ADGRL3: variants seen among roughly 807,000 people sequenced by gnomAD.
The protein encoded by ADGRL3 is calcium-independent alpha-latrotoxin receptor 3.
ADGRL3 carries 62 observed loss-of-function variants against 153.5 expected under a neutral mutation model. The observed-to-expected ratio is 0.40, with a 90% CI of 0.33 to 0.50. ADGRL3 has a LOEUF of 0.50. ADGRL3 is among the 20% of genes least tolerant of loss of function. ADGRL3 has a pLI of 0.47. For synonymous variants in ADGRL3, 710 were observed against 672.5 expected, an observed-to-expected ratio of 1.06 and a Z score of -0.86; for missense variants, 1,641 against 1,859.4, an observed-to-expected ratio of 0.88 and a Z score of 2.16.
chr4:61,417,598 A>C (rs1443408424), intron 2 of ADGRL3, among the ~76,000 whole-genome samples: 1 of 147,334 alleles, frequency 6.8e-6, no homozygotes, highest in African/African-American at 2.4e-5. Flanking sequence ...GTCTTGTTTG[A>C]GGTGATTTTT....
intron 1 of ADGRL3, among the ~76,000 whole-genome samples, chr4:61,370,258 T>C (rs1455119421): frequency 4.1e-5 from 6 of 147,146 alleles, no homozygotes; most frequent in East Asian, 4.0e-4. Context: ...TAGTTATTTC[T>C]TGCCTTCTGC....
At chr4:61,363,634 C>T (rs1283704447) in intron 1 of ADGRL3, among the ~76,000 whole-genome samples, 2 of 152,108 alleles carry the variant, frequency 1.3e-5, no homozygotes, top group Non-Finnish European at 2.9e-5. Flanking sequence ...ATGTTATTTA[C>T]TCTATAAATT....
chr4:61,736,214 G>A (rs2096510070), intron 8 of ADGRL3, among the ~76,000 whole-genome samples: 1 of 151,842 alleles, frequency 6.6e-6, no homozygotes, highest in Admixed American at 6.6e-5. Flanking sequence ...CATATGGGGG[G>A]GTAAGAGAAT....
intron 8 of ADGRL3, among the ~76,000 whole-genome samples, chr4:61,795,587 A>G (rs1205933677): frequency 6.6e-6 from 1 of 152,190 alleles, no homozygotes; most frequent in African/African-American, 2.4e-5. Context: ...AATAAAATAT[A>G]TATACATAAA....
intron 1 of ADGRL3, among the ~76,000 whole-genome samples, chr4:61,338,843 T>A (rs918243937): frequency 1.3e-5 from 2 of 152,220 alleles, no homozygotes; most frequent in Non-Finnish European, 2.9e-5. Flanking sequence ...TGTATTATTA[T>A]AGTTTTTCAA....
chr4:61,443,785 A>T (rs996857016), intron 2 of ADGRL3, among the ~76,000 whole-genome samples: 1 of 152,092 alleles, frequency 6.6e-6, no homozygotes, highest in Non-Finnish European at 1.5e-5. Flanking sequence ...CAAATATCAA[A>T]ATCGTTTCAT....
intron 4 of ADGRL3, among the ~76,000 whole-genome samples, chr4:61,586,276 A>G (rs188647367): frequency 1.3e-5 from 2 of 152,120 alleles, no homozygotes; most frequent in Non-Finnish European, 2.9e-5. Context: ...TCTCAAATAT[A>G]TTACAGCCAA....
intron 8 of ADGRL3, among the ~76,000 whole-genome samples, chr4:61,749,641 T>G (rs1475018551): frequency 2.0e-5 from 3 of 151,574 alleles, no homozygotes; most frequent in African/African-American, 7.3e-5. Flanking sequence ...TTCTCATTCA[T>G]AGGTGGGAAT....
intron 1 of ADGRL3, among the ~76,000 whole-genome samples, chr4:61,373,165 G>A (rs2096560525): frequency 6.6e-6 from 1 of 152,106 alleles, no homozygotes; most frequent in Non-Finnish European, 1.5e-5. Context: ...TACCTCAGAT[G>A]GAAATGCAGA....
chr4:62,014,468 TGGAA>T (rs1432950307), intron 21 of ADGRL3, among the ~76,000 whole-genome samples: 2 of 152,142 alleles, frequency 1.3e-5, no homozygotes, highest in African/African-American at 4.8e-5. Flanking sequence ...GTCAGAAGAA[TGGAA>T]GGAATAGCCT....
chr4:61,341,310 C>T (rs1490545694), intron 1 of ADGRL3, among the ~76,000 whole-genome samples: 1 of 151,580 alleles, frequency 6.6e-6, no homozygotes, highest in African/African-American at 2.4e-5. Flanking sequence ...TAATATTTTC[C>T]TTTGAGTAAA....
At chr4:61,823,349 A>G (rs953372675) in intron 9 of ADGRL3, among the ~76,000 whole-genome samples, 4 of 152,192 alleles carry the variant, frequency 2.6e-5, no homozygotes, top group Non-Finnish European at 5.9e-5. Flanking sequence ...GCTAATATTT[A>G]CTATGCAAAT....
chr4:62,008,471 C>T (rs113999829), intron 21 of ADGRL3, among the ~76,000 whole-genome samples: 100 of 152,102 alleles, frequency 6.6e-4, no homozygotes, highest in African/African-American at 2.2e-3. Context: ...ATGACTGAGA[C>T]CGGCTAACCT....
At chr4:61,762,330 A>G (rs981700708) in intron 8 of ADGRL3, among the ~76,000 whole-genome samples, 8 of 152,148 alleles carry the variant, frequency 5.3e-5, no homozygotes, top group African/African-American at 1.2e-4. Flanking sequence ...TTATTTGACA[A>G]TGCTTCTTAT....
At chr4:61,822,430 A>G (rs970471777) in intron 9 of ADGRL3, among the ~76,000 whole-genome samples, 1 of 152,204 alleles carries the variant, frequency 6.6e-6, no homozygotes, top group Non-Finnish European at 1.5e-5. Flanking sequence ...CTTAATGATC[A>G]TGATTATCAT....
intron 2 of ADGRL3, among the ~76,000 whole-genome samples, chr4:61,465,927 G>C (rs953489452): frequency 2.0e-5 from 3 of 151,708 alleles, no homozygotes; most frequent in African/African-American, 7.3e-5. Context: ...TTCGAGACCA[G>C]CTTGGACAAC....
intron 13 of ADGRL3, among the ~76,000 whole-genome samples, chr4:61,916,159 A>C (rs2149901167): frequency 6.6e-6 from 1 of 152,318 alleles, no homozygotes. Context: ...TACAATTAAA[A>C]GTGGCTGGTG....
chr4:61,574,228 G>A (rs1579616696), intron 4 of ADGRL3, among the ~76,000 whole-genome samples: 2 of 151,866 alleles, frequency 1.3e-5, no homozygotes, highest in Non-Finnish European at 2.9e-5. Context: ...TTTTCGTAAA[G>A]CAGCCATATG....
At chr4:61,998,637 G>A (rs1419063543) in intron 21 of ADGRL3, among the ~76,000 whole-genome samples, 2 of 150,830 alleles carry the variant, frequency 1.3e-5, no homozygotes, top group East Asian at 2.0e-4. Context: ...GTGCAGTGGC[G>A]TGATCTCAGC....
Sources: allele counts gnomAD v4.1 joint callset (sites outside exome capture counted in the v4.1 genomes callset), GRCh38; gene constraint gnomAD v4.1.1; transcripts MANE v1.5; gene names NCBI Gene and HGNC (gene_info 2026-07-23, HGNC 2026-07-21).